The following SGCZ variants were observed in gnomAD, a reference collection of about 807,000 sequenced individuals.
SGCZ encodes the protein zeta-sarcoglycan.
In SGCZ, 40 loss-of-function variants were observed where a neutral mutation model predicts 41.3. The observed-to-expected ratio is 0.97, with a 90% CI of 0.75 to 1.26. SGCZ has a LOEUF of 1.26. SGCZ is among the 50% of genes most tolerant of loss of function. The pLI is 0.00. For missense variants in SGCZ, 552 were observed against 369.8 expected (o/e 1.49, Z -4.04); for synonymous variants, 206 against 137.5 (o/e 1.50, Z -3.49).
chr8:14,456,105 T>C (rs1366715534), intron 2 of SGCZ, among the ~76,000 whole-genome samples: 3 of 152,120 alleles, frequency 2.0e-5, no homozygotes, highest in Admixed American at 6.6e-5. Flanking sequence ...ACCTACTGAA[T>C]TGTATAGAAT....
chr8:14,748,747 A>C (rs1253139871), intron 1 of SGCZ, among the ~76,000 whole-genome samples: 1 of 139,958 alleles, frequency 7.1e-6, no homozygotes. Flanking sequence ...TGCATGTTGA[A>C]CACTAGAAAT....
chr8:15,194,634 A>G (rs1800661239), intron 1 of SGCZ, among the ~76,000 whole-genome samples: 1 of 152,154 alleles, frequency 6.6e-6, no homozygotes, highest in South Asian at 2.1e-4. Flanking sequence ...TAAGGATGGA[A>G]GTAGAGATAA....
intron 1 of SGCZ, among the ~76,000 whole-genome samples, chr8:15,124,428 T>G (rs1049241082): frequency 2.0e-5 from 3 of 152,228 alleles, no homozygotes. Context: ...GGCAAAACTC[T>G]GTTCCAATTC....
chr8:14,916,512 TACCACATGAGTAAACC>T (rs554287717), intron 1 of SGCZ, among the ~76,000 whole-genome samples: 150 of 152,352 alleles, frequency 9.8e-4, no homozygotes, highest in African/African-American at 3.5e-3. Context: ...GCAGAACACT[TACCACATGAGTAAACC>T]ATACCTGGTG....
intron 1 of SGCZ, among the ~76,000 whole-genome samples, chr8:14,665,997 C>T (rs1229305670): frequency 6.6e-6 from 1 of 152,208 alleles, no homozygotes; most frequent in Non-Finnish European, 1.5e-5. Context: ...TCCTGGGCAG[C>T]ATGTAAGCCT....
intron 1 of SGCZ, among the ~76,000 whole-genome samples, chr8:14,927,263 C>A (rs976094634): frequency 2.0e-5 from 3 of 151,898 alleles, no homozygotes; most frequent in African/African-American, 7.3e-5. Flanking sequence ...CGTCCGCCAC[C>A]ACGCCCGCCT....
At chr8:14,720,246 GA>G (rs558981505) in intron 1 of SGCZ, among the ~76,000 whole-genome samples, 1 of 151,886 alleles carries the variant, frequency 6.6e-6, no homozygotes, top group African/African-American at 2.4e-5. Context: ...AAGAAATACA[GA>G]AAAAATGAAC....
chr8:14,215,777 AATAAG>A (rs922194506), intron 4 of SGCZ, among the ~76,000 whole-genome samples: 44 of 152,338 alleles, frequency 2.9e-4, no homozygotes, highest in African/African-American at 1.1e-3. Context: ...CCAAAAGCAA[AATAAG>A]ATAAAACAAA....
chr8:14,700,583 C>G (rs142692563), intron 1 of SGCZ, among the ~76,000 whole-genome samples: 2 of 151,694 alleles, frequency 1.3e-5, no homozygotes, highest in East Asian at 3.9e-4. Flanking sequence ...ATGTAACATA[C>G]CAGCACATGT....
At chr8:15,005,254 T>C (rs1466681423) in intron 1 of SGCZ, among the ~76,000 whole-genome samples, 2 of 151,960 alleles carry the variant, frequency 1.3e-5, no homozygotes, top group African/African-American at 2.4e-5. Flanking sequence ...AAAATGATGG[T>C]AGCAGGTTTC....
intron 1 of SGCZ, among the ~76,000 whole-genome samples, chr8:15,221,588 A>G (rs1269732413): frequency 6.6e-6 from 1 of 152,144 alleles, no homozygotes; most frequent in Non-Finnish European, 1.5e-5. Flanking sequence ...TAGGATGAAT[A>G]TTTGAAATCT....
intron 3 of SGCZ, among the ~76,000 whole-genome samples, chr8:14,254,070 T>C (rs34984677): frequency 6.6e-6 from 1 of 152,144 alleles, no homozygotes; most frequent in Non-Finnish European, 1.5e-5. Flanking sequence ...TTAAACACAG[T>C]CTTAAATTGG....
At chr8:14,265,153 G>A (rs549452541) in intron 3 of SGCZ, among the ~76,000 whole-genome samples, 7 of 152,272 alleles carry the variant, frequency 4.6e-5, no homozygotes, top group African/African-American at 1.7e-4. Context: ...ATGGAGATGT[G>A]TGATCTCTTA....
intron 1 of SGCZ, among the ~76,000 whole-genome samples, chr8:14,896,205 C>T (rs1805192516): frequency 6.6e-6 from 1 of 152,176 alleles, no homozygotes; most frequent in Non-Finnish European, 1.5e-5. Context: ...TGTTAATTCT[C>T]TTCCTCTCAT....
chr8:14,946,025 T>TATATAA (rs1160866797), intron 1 of SGCZ, among the ~76,000 whole-genome samples: 1 of 100,406 alleles, frequency 1.0e-5, no homozygotes, highest in African/African-American at 3.8e-5. Flanking sequence ...TATATATATA[T>TATATAA]ATATATATAT....
At chr8:14,263,103 T>C (rs574919111) in intron 3 of SGCZ, among the ~76,000 whole-genome samples, 3 of 152,336 alleles carry the variant, frequency 2.0e-5, no homozygotes, top group East Asian at 1.9e-4. Flanking sequence ...TCCACTATTT[T>C]GTGTTTAATG....
chr8:14,479,946 T>C (rs1049244353), intron 2 of SGCZ, among the ~76,000 whole-genome samples: 1 of 152,118 alleles, frequency 6.6e-6, no homozygotes, highest in Admixed American at 6.5e-5. Context: ...AGTTTCACCA[T>C]GTTGGTCAGG....
intron 1 of SGCZ, among the ~76,000 whole-genome samples, chr8:14,826,961 G>A (rs1423050553): frequency 6.6e-6 from 1 of 151,924 alleles, no homozygotes; most frequent in African/African-American, 2.4e-5. Context: ...TGTCAATTTT[G>A]GCTTTTGTTG....
chr8:14,490,456 A>T (rs933965226), intron 2 of SGCZ, among the ~76,000 whole-genome samples: 1 of 152,170 alleles, frequency 6.6e-6, no homozygotes, highest in African/African-American at 2.4e-5. Context: ...TAAGTGTTTC[A>T]AAGCATTCAA....
Sources: gnomAD v4.1 joint callset for allele counts (sites outside exome capture counted in the v4.1 genomes callset) on GRCh38, gnomAD v4.1.1 for gene constraint, MANE v1.5 for transcripts, NCBI Gene and HGNC (gene_info 2026-07-23, HGNC 2026-07-21) for gene names.